Variants in TLE4 observed in about 807,000 individuals in gnomAD.
The protein encoded by TLE4 is transducin-like enhancer protein 4.
TLE4 carries 8 observed loss-of-function variants against 92.8 expected under a neutral mutation model. The observed-to-expected ratio is 0.09, with a 90% confidence interval of 0.05 to 0.16. The LOEUF (loss-of-function observed/expected upper bound fraction) is 0.16. Among genes scored for constraint, TLE4 ranks in the 10% least tolerant of loss-of-function variants. The pLI, the probability that TLE4 is intolerant of heterozygous loss-of-function variation, is 1.00. For missense variants in TLE4, 675 were observed against 997.6 expected (o/e 0.68, Z 4.36); for synonymous variants, 371 against 374.1 (o/e 0.99, Z 0.10).
chr9:79,635,689 C>T (rs1399702983), intron 6 of TLE4, among the ~76,000 whole-genome samples: 1 of 151,720 alleles, frequency 6.6e-6, no homozygotes, highest in African/African-American at 2.4e-5. Flanking sequence ...ATCAATTAAC[C>T]TTATATGTAT....
At chr9:79,672,248 A>T (rs535664014) in intron 8 of TLE4, among the ~76,000 whole-genome samples, 1 of 152,172 alleles carries the variant, frequency 6.6e-6, no homozygotes, top group East Asian at 1.9e-4. Flanking sequence ...GGAAAGTAAG[A>T]TACACACTGG....
Position 79,573,215 on chromosome 9 carries a change from G to A in TLE4, c.45+380G>A, listed in dbSNP as rs1290034293. ...GCGCTGCTGGGCTGGCTGCGGTTTGGAAGTGCGGGGCGCCGGCCCCTCGCG... is the reference window on the plus strand; with the variant it reads ...GCGCTGCTGGGCTGGCTGCGGTTTGAAAGTGCGGGGCGCCGGCCCCTCGCG... On this transcript the variant is annotated intron_variant, in intron 1 of 19. Coordinates refer to ENST00000376552, the MANE Select transcript of TLE4 (RefSeq NM_007005.6). The A allele has an allele frequency of 5.0e-6, 5 of 1,008,546 alleles. No homozygotes were observed. The East Asian group carries it at 4.6e-4, about 93-fold the overall frequency. The allele number at this position is 1,008,546 out of a possible 1,614,324, so 62.5% of individuals were successfully genotyped here.
chr9:79,615,131 A>C (rs918265384), intron 5 of TLE4, among the ~76,000 whole-genome samples: 8 of 151,976 alleles, frequency 5.3e-5, no homozygotes, highest in African/African-American at 1.9e-4. Flanking sequence ...TCTTCTGTGC[A>C]TTCTGTGAGC....
At chr9:79,707,007 C>A in intron 11 of TLE4, 108 bp downstream of exon 11, 2 of 1,555,242 alleles carry the variant, frequency 1.3e-6, no homozygotes, top group Non-Finnish European at 8.7e-7. Flanking sequence ...ACTTTTATTT[C>A]CAAATGTATA....
At chr9:79,647,913 T>C (rs527649045) in intron 6 of TLE4, among the ~76,000 whole-genome samples, 1 of 149,894 alleles carries the variant, frequency 6.7e-6, no homozygotes, top group Non-Finnish European at 1.5e-5. Context: ...ACCGAGAAAG[T>C]AGGCAGGAGT....
At chr9:79,593,701 G>A (rs2043240829) in intron 4 of TLE4, among the ~76,000 whole-genome samples, 1 of 152,168 alleles carries the variant, frequency 6.6e-6, no homozygotes. Flanking sequence ...ACCAGGCAGA[G>A]GCATCCCTGT....
intron 8 of TLE4, among the ~76,000 whole-genome samples, chr9:79,679,895 T>C (rs1248410136): frequency 6.6e-6 from 1 of 152,126 alleles, no homozygotes; most frequent in Non-Finnish European, 1.5e-5. Context: ...ATTGCTTGTT[T>C]TTCTCAGGTT....
At chr9:79,713,851 T>G (rs2073913978) in intron 14 of TLE4, among the ~76,000 whole-genome samples, 3 of 150,252 alleles carry the variant, frequency 2.0e-5, no homozygotes, top group Non-Finnish European at 3.0e-5. Flanking sequence ...ATTGTTGTTG[T>G]TTGTTGTTGT....
intron 5 of TLE4, among the ~76,000 whole-genome samples, chr9:79,616,433 G>A (rs2049626332): frequency 6.6e-6 from 1 of 152,142 alleles, no homozygotes; most frequent in Non-Finnish European, 1.5e-5. Flanking sequence ...TGACTAGTGG[G>A]ATTAACTACA....
chr9:79,607,143 T>C (rs940224039), intron 4 of TLE4, among the ~76,000 whole-genome samples: 1 of 152,238 alleles, frequency 6.6e-6, no homozygotes, highest in African/African-American at 2.4e-5. Flanking sequence ...CATTTTTTCA[T>C]ATGTCTGTTG....
intron 6 of TLE4, among the ~76,000 whole-genome samples, chr9:79,636,252 G>C (rs904666053): frequency 6.6e-6 from 1 of 152,124 alleles, no homozygotes; most frequent in Non-Finnish European, 1.5e-5. Flanking sequence ...GAGCGCAAGA[G>C]TTCAAGACCA....
chr9:79,661,268 A>G (rs1409357918), intron 8 of TLE4, among the ~76,000 whole-genome samples: 1 of 152,200 alleles, frequency 6.6e-6, no homozygotes, highest in Non-Finnish European at 1.5e-5. Flanking sequence ...CCACTCTGGA[A>G]AAATTATAAA....
intron 6 of TLE4, among the ~76,000 whole-genome samples, chr9:79,647,874 T>C (rs1002320827): frequency 5.3e-5 from 8 of 151,820 alleles, no homozygotes; most frequent in Non-Finnish European, 1.2e-4. Context: ...TGGAGATTAC[T>C]TTGAGCCGGG....
intron 4 of TLE4, among the ~76,000 whole-genome samples, chr9:79,604,791 C>A (rs966079038): frequency 2.6e-5 from 4 of 152,024 alleles, no homozygotes; most frequent in Admixed American, 6.6e-5. Flanking sequence ...ATTCCTGTAT[C>A]CAAAATTCCT....
At chr9:79,573,435 C>T (rs1417458688) in intron 1 of TLE4, 1 of 1,167,480 alleles carries the variant, frequency 8.6e-7, no homozygotes, top group Non-Finnish European at 1.1e-6. Flanking sequence ...GGAGGGGAGA[C>T]GGGACTCGAA....
chr9:79,573,499 G>T, intron 1 of TLE4, 190 bp from the exon 2 acceptor site: 1 of 886,134 alleles, frequency 1.1e-6, no homozygotes, highest in Non-Finnish European at 1.5e-6. Context: ...GGGGCCCCAG[G>T]ACCACCTCGA....
intron 19 of TLE4, among the ~76,000 whole-genome samples, chr9:79,724,142 G>T (rs942684399): frequency 6.6e-6 from 1 of 151,090 alleles, no homozygotes; most frequent in African/African-American, 2.4e-5. Context: ...GGAACATTAG[G>T]CTTTTTACTA....
At chr9:79,652,900 T>A in intron 7 of TLE4, 106 bp downstream of exon 7, 1 of 1,179,758 alleles carries the variant, frequency 8.5e-7, no homozygotes, top group Non-Finnish European at 1.3e-6. Context: ...TACCAGTGAC[T>A]AAACAAAGGA....
At chr9:79,699,701 T>C (rs1025391396) in intron 8 of TLE4, among the ~76,000 whole-genome samples, 1 of 152,188 alleles carries the variant, frequency 6.6e-6, no homozygotes, top group African/African-American at 2.4e-5. Flanking sequence ...TCTTTCTGGT[T>C]GTTATCGTCT....
Sources: allele counts gnomAD v4.1 joint callset (sites outside exome capture counted in the v4.1 genomes callset), GRCh38; gene constraint gnomAD v4.1.1; transcripts MANE v1.5; gene names NCBI Gene and HGNC (gene_info 2026-07-23, HGNC 2026-07-21).